Variants in CDC42SE2 observed in about 807,000 individuals in gnomAD.
The protein encoded by CDC42SE2 is CDC42 small effector protein 2.
Under a neutral mutation model 11.5 loss-of-function variants are expected in CDC42SE2, and 3 were observed. The ratio of observed to expected loss-of-function variants is 0.26; its 90% confidence interval spans 0.12 to 0.67. The LOEUF (loss-of-function observed/expected upper bound fraction) is 0.67. CDC42SE2 is among the 30% of genes least tolerant of loss of function. The probability of loss-of-function intolerance (pLI) is 0.80; values close to 1 mark genes in which losing one functional copy is unlikely to be tolerated. For missense variants in CDC42SE2, 82 were observed against 106.8 expected, an observed-to-expected ratio of 0.77 and a Z score of 1.02; for synonymous variants, 33 against 34.8, an observed-to-expected ratio of 0.95 and a Z score of 0.18.
chr5:131,227,397 G>A, the CDC42SE2 span, among the ~76,000 whole-genome samples: 1 of 152,172 alleles, frequency 6.6e-6, no homozygotes, highest in Non-Finnish European at 1.5e-5. Flanking sequence ...CACTTTGGGA[G>A]ACTGAGGCAG....
intron 2 of CDC42SE2, among the ~76,000 whole-genome samples, chr5:131,339,079 C>A (rs1580764795): frequency 6.6e-6 from 1 of 151,592 alleles, no homozygotes; most frequent in Non-Finnish European, 1.5e-5. Context: ...AACCCCGTCT[C>A]TACTAAAAAT....
chr5:131,292,240 C>CAAAAAAAAAA (rs1202956370), intron 1 of CDC42SE2, among the ~76,000 whole-genome samples: 3 of 25,624 alleles, frequency 1.2e-4, no homozygotes, highest in African/African-American at 3.5e-4. Context: ...TCTGTCTCAC[C>CAAAAAAAAAA]AAAAAAAAAA....
intron 1 of CDC42SE2, among the ~76,000 whole-genome samples, chr5:131,246,678 G>A (rs1182670985): frequency 1.3e-5 from 2 of 151,844 alleles, no homozygotes; most frequent in Admixed American, 6.6e-5. Flanking sequence ...GGGTGGGTGA[G>A]GGTCCATGTT....
chr5:131,350,637 G>GTATGTGTGTA (rs1758985009), intron 2 of CDC42SE2, among the ~76,000 whole-genome samples: 1 of 147,608 alleles, frequency 6.8e-6, no homozygotes, highest in Non-Finnish European at 1.5e-5. Flanking sequence ...GTGTGTGTGT[G>GTATGTGTGTA]TATATATATA....
intron 1 of CDC42SE2, among the ~76,000 whole-genome samples, chr5:131,304,727 G>C (rs553582043): frequency 2.6e-5 from 4 of 152,228 alleles, no homozygotes; most frequent in African/African-American, 9.6e-5. Flanking sequence ...TTTGTGATTA[G>C]TAATCGTGTT....
intron 1 of CDC42SE2, among the ~76,000 whole-genome samples, chr5:131,286,510 G>A (rs1477272494): frequency 1.3e-5 from 2 of 149,104 alleles, no homozygotes; most frequent in Non-Finnish European, 3.0e-5. Context: ...AGAAGCCTCT[G>A]TTTACTAGGT....
At chr5:131,287,266 A>T (rs1757360828) in intron 1 of CDC42SE2, among the ~76,000 whole-genome samples, 1 of 152,158 alleles carries the variant, frequency 6.6e-6, no homozygotes, top group Non-Finnish European at 1.5e-5. Flanking sequence ...AAGTGCTGGG[A>T]TTACAGGCGT....
chr5:131,253,268 G>C (rs1468413999), intron 1 of CDC42SE2: 1 of 152,212 alleles, frequency 6.6e-6, no homozygotes, highest in Non-Finnish European at 1.5e-5. Context: ...GGTAGTATGA[G>C]GTGAAAAGAG....
At chr5:131,348,464 A>G (rs774269588) in intron 2 of CDC42SE2, among the ~76,000 whole-genome samples, 30 of 152,200 alleles carry the variant, frequency 2.0e-4, no homozygotes, top group Non-Finnish European at 3.4e-4. Flanking sequence ...AAGGAGAACT[A>G]CAAACCATTG....
intron 4 of CDC42SE2, among the ~76,000 whole-genome samples, chr5:131,389,244 T>TA (rs564567974): frequency 2.3e-3 from 347 of 152,334 alleles, no homozygotes; most frequent in African/African-American, 5.5e-3. Flanking sequence ...TAATGTTAGT[T>TA]ACCATAAAGG....
chr5:131,352,962 C>T (rs1266647827), intron 2 of CDC42SE2, among the ~76,000 whole-genome samples: 1 of 151,976 alleles, frequency 6.6e-6, no homozygotes, highest in Non-Finnish European at 1.5e-5. Flanking sequence ...TTATTATCAA[C>T]TGCTCATTGT....
intron 2 of CDC42SE2, among the ~76,000 whole-genome samples, chr5:131,350,145 T>C (rs1192455120): frequency 4.6e-5 from 7 of 152,066 alleles, no homozygotes; most frequent in Non-Finnish European, 1.0e-4. Context: ...TGACCTAAGA[T>C]ACATTTCCTT....
intron 2 of CDC42SE2, among the ~76,000 whole-genome samples, chr5:131,258,764 T>A (rs1187786064): frequency 1.3e-5 from 2 of 152,210 alleles, no homozygotes; most frequent in African/African-American, 4.8e-5. Flanking sequence ...GAAAAAACTT[T>A]TCTAACTAAT....
At chr5:131,317,074 A>C (rs761153446) in intron 2 of CDC42SE2, among the ~76,000 whole-genome samples, 8 of 152,220 alleles carry the variant, frequency 5.3e-5, no homozygotes, top group Non-Finnish European at 8.8e-5. Flanking sequence ...TAAGTATTTG[A>C]AAAACCAATC....
At chr5:131,296,629 G>A (rs1391630211) in intron 1 of CDC42SE2, among the ~76,000 whole-genome samples, 1 of 152,104 alleles carries the variant, frequency 6.6e-6, no homozygotes, top group East Asian at 1.9e-4. Flanking sequence ...AATCATATTG[G>A]ATTAGGGGCC....
chr5:131,314,737 A>T (rs1758005235), intron 1 of CDC42SE2, among the ~76,000 whole-genome samples: 1 of 152,170 alleles, frequency 6.6e-6, no homozygotes, highest in South Asian at 2.1e-4. Context: ...AGAAATGTGT[A>T]AGTTTATAAA....
the CDC42SE2 span, among the ~76,000 whole-genome samples, chr5:131,236,211 T>C: frequency 6.6e-6 from 1 of 152,178 alleles, no homozygotes; most frequent in Admixed American, 6.5e-5. Flanking sequence ...TTTGCATAAT[T>C]TGATGTGTAA....
At chr5:131,350,642 T>C (rs1039173754) in intron 2 of CDC42SE2, among the ~76,000 whole-genome samples, 1 of 151,572 alleles carries the variant, frequency 6.6e-6, no homozygotes, top group Non-Finnish European at 1.5e-5. Flanking sequence ...TGTGTGTATA[T>C]ATATATGTAT....
chr5:131,268,028 G>A (rs555723406), intron 1 of CDC42SE2, among the ~76,000 whole-genome samples: 1 of 145,590 alleles, frequency 6.9e-6, no homozygotes, highest in Non-Finnish European at 1.5e-5. Flanking sequence ...AGAGGAACTT[G>A]AGAGAAGTAC....
Sources: allele counts gnomAD v4.1 joint callset (sites outside exome capture counted in the v4.1 genomes callset), GRCh38; gene constraint gnomAD v4.1.1; transcripts MANE v1.5; gene names NCBI Gene and HGNC (gene_info 2026-07-23, HGNC 2026-07-21).